The following NAV2 variants were observed in gnomAD, a reference collection of about 807,000 sequenced individuals.
NAV2 encodes the protein helicase, APC down-regulated 1.
NAV2 carries 54 observed loss-of-function variants against 223.2 expected under a neutral mutation model. The ratio of observed to expected loss-of-function variants is 0.24; its 90% CI spans 0.19 to 0.30. NAV2 has a LOEUF of 0.30. Among genes scored for constraint, NAV2 ranks in the 10% least tolerant of loss-of-function variants. The pLI is 1.00. For synonymous variants in NAV2, 1,279 were observed against 1,239.3 expected, an observed-to-expected ratio of 1.03 and a Z score of -0.67; for missense variants, 2,806 against 3,147.5, an observed-to-expected ratio of 0.89 and a Z score of 2.60.
chr11:19,952,740 T>TGTGTA (rs1565631451), intron 10 of NAV2, among the ~76,000 whole-genome samples: 9 of 152,254 alleles, frequency 5.9e-5, no homozygotes, highest in African/African-American at 2.2e-4. Flanking sequence ...TTTTCTGTAC[T>TGTGTA]GGTGTGTGCA....
intron 19 of NAV2, among the ~76,000 whole-genome samples, chr11:20,057,129 T>G (rs1355170502): frequency 6.6e-6 from 1 of 152,016 alleles, no homozygotes. Context: ...GAGTTATAGG[T>G]GCTTCCCGGT....
chr11:19,595,865 G>C (rs1208201796), intron 1 of NAV2, among the ~76,000 whole-genome samples: 2 of 152,240 alleles, frequency 1.3e-5, no homozygotes, highest in East Asian at 3.9e-4. Context: ...CCTGGCCAGA[G>C]CCTGCATTCT....
chr11:20,003,826 C>T (rs2052789199), intron 11 of NAV2, among the ~76,000 whole-genome samples: 2 of 152,140 alleles, frequency 1.3e-5, no homozygotes, highest in Admixed American at 6.5e-5. Flanking sequence ...TTATTGCTAG[C>T]CTGAATTATT....
At chr11:19,443,772 A>G (rs1448060836) in intron 1 of NAV2, among the ~76,000 whole-genome samples, 2 of 152,212 alleles carry the variant, frequency 1.3e-5, no homozygotes, top group Non-Finnish European at 2.9e-5. Context: ...CACATCTTCT[A>G]AAATGTCAGT....
chr11:19,742,897 G>A (rs1590261375), intron 1 of NAV2, among the ~76,000 whole-genome samples: 1 of 152,168 alleles, frequency 6.6e-6, no homozygotes, highest in South Asian at 2.1e-4. Flanking sequence ...GCCACCTGGT[G>A]GCGTTTCACA....
chr11:19,936,986 A>G (rs891518392), intron 7 of NAV2, among the ~76,000 whole-genome samples: 9 of 152,118 alleles, frequency 5.9e-5, no homozygotes, highest in African/African-American at 1.9e-4. Flanking sequence ...AAAAATACAA[A>G]AATTAGCCTG....
At position 20,092,363 on chromosome 11, in the gene NAV2, G is replaced by T. The variant is rs1401636928; in HGVS notation, c.5810G>T (p.Ser1937Ile). 3.1e-6 allele frequency: 5 copies of T among 1,611,048 alleles called. No homozygotes were observed. The East Asian group carries it at 1.1e-4, about 36-fold the overall frequency. ...QHSLNLTEST[S>I]LDMLLDDTGE... Reference sequence around the variant, plus strand: ...AGCTTGAACCTCACTGAGTCAACCAGCCTGGGTGAGTGGCCTACAGGGTTT... The same window carrying T: ...AGCTTGAACCTCACTGAGTCAACCATCCTGGGTGAGTGGCCTACAGGGTTT... Residue 1937 changes from serine to isoleucine, a missense_variant, in exon 28 of 38, where the codon AGC becomes ATC. Ser to Ile is a moderately radical substitution (Grantham distance 142). This residue lies in a region of NAV2 where 824 missense variants were observed against 1,069.4 expected (regional missense o/e 0.77). Transcript: ENST00000349880.
chr11:19,428,351 A>G (rs993707805), intron 1 of NAV2, among the ~76,000 whole-genome samples: 1 of 152,126 alleles, frequency 6.6e-6, no homozygotes, highest in African/African-American at 2.4e-5. Flanking sequence ...GGGCTTTGAG[A>G]GACACTGGAA....
intron 1 of NAV2, among the ~76,000 whole-genome samples, chr11:19,798,436 A>G (rs1374796885): frequency 1.3e-5 from 2 of 152,222 alleles, no homozygotes; most frequent in African/African-American, 4.8e-5. Flanking sequence ...GTTTGAAATC[A>G]TCACTGCCAA....
chr11:19,882,445 G>A (rs760890373), intron 5 of NAV2, among the ~76,000 whole-genome samples: 14 of 152,178 alleles, frequency 9.2e-5, no homozygotes, highest in Non-Finnish European at 2.1e-4. Context: ...TATGCATTAT[G>A]AATGTTCAGA....
chr11:19,835,071 T>C (rs1176786833), intron 2 of NAV2, among the ~76,000 whole-genome samples: 1 of 152,212 alleles, frequency 6.6e-6, no homozygotes, highest in Non-Finnish European at 1.5e-5. Flanking sequence ...AGTATGTATG[T>C]TGTGCATTTT....
At chr11:20,092,487 T>G in intron 28 of NAV2, 119 bp downstream of exon 28, 1 of 1,045,894 alleles carries the variant, frequency 9.6e-7, no homozygotes, top group Non-Finnish European at 1.4e-6. Flanking sequence ...CAGGCGTGTG[T>G]GCACTTGGGG....
At chr11:19,392,883 T>G (rs953716842) in intron 1 of NAV2, among the ~76,000 whole-genome samples, 7 of 152,168 alleles carry the variant, frequency 4.6e-5, no homozygotes, top group Admixed American at 1.3e-4. Flanking sequence ...TCTTTCTTAT[T>G]TACAATTGAA....
intron 1 of NAV2, among the ~76,000 whole-genome samples, chr11:19,741,002 G>A (rs1240617000): frequency 6.6e-6 from 1 of 152,206 alleles, no homozygotes; most frequent in Non-Finnish European, 1.5e-5. Context: ...TAGAAGGGAT[G>A]TGAGATTGTA....
intron 26 of NAV2, among the ~76,000 whole-genome samples, chr11:20,085,181 G>A (rs1447217831): frequency 7.1e-6 from 1 of 141,792 alleles, no homozygotes; most frequent in Non-Finnish European, 1.5e-5. Flanking sequence ...ACAGAGTAAG[G>A]CCATGTCTCT....
intron 1 of NAV2, among the ~76,000 whole-genome samples, chr11:19,697,737 A>G (rs2049390621): frequency 6.6e-6 from 1 of 152,148 alleles, no homozygotes; most frequent in Non-Finnish European, 1.5e-5. Context: ...GGCTTAGCAT[A>G]CATTTCTACA....
chr11:19,696,176 TA>T (rs936865139), intron 1 of NAV2, among the ~76,000 whole-genome samples: 5 of 151,490 alleles, frequency 3.3e-5, no homozygotes, highest in Non-Finnish European at 7.4e-5. Context: ...GAAAAAAAAA[TA>T]AAAAAAATAA....
At chr11:19,653,262 G>T (rs1310936708) in intron 1 of NAV2, among the ~76,000 whole-genome samples, 2 of 152,202 alleles carry the variant, frequency 1.3e-5, no homozygotes, top group Admixed American at 1.3e-4. Flanking sequence ...AAATGTACCA[G>T]CCTGAGTTCT....
In NAV2 at chr11:19,842,941, A is replaced by AT; in HGVS notation, c.438+18_438+19insT. The stretch of plus-strand genomic sequence containing the variant: ...CCCAAATGGTAAGTGGTGCATAGGT[A>AT]GTAAATGTTTGAGTTCTGTCAGCAA... On this transcript the variant is annotated intron_variant, in intron 3 of 37. Transcript: ENST00000349880. 1 of 1,611,488 alleles carries AT rather than the reference A, an allele frequency of 6.2e-7. No homozygotes were observed.
Sources: allele counts gnomAD v4.1 joint callset (sites outside exome capture counted in the v4.1 genomes callset), GRCh38; gene constraint gnomAD v4.1.1; regional missense constraint gnomAD v4.1.1; transcripts MANE v1.5; gene names NCBI Gene and HGNC (gene_info 2026-07-23, HGNC 2026-07-21).